RGS3: variants seen among roughly 807,000 people sequenced by gnomAD.
The protein encoded by RGS3 is regulator of G-protein signalling 3.
Under a neutral mutation model 132.6 loss-of-function variants are expected in RGS3, and 80 were observed. That is an observed-to-expected ratio of 0.60 (90% CI 0.50 to 0.73). The LOEUF (loss-of-function observed/expected upper bound fraction) is 0.73, where lower values mean the gene tolerates loss of function less well. RGS3 is among the 30% of genes least tolerant of loss of function. The pLI, the probability that RGS3 is intolerant of heterozygous loss-of-function variation, is 0.00. For synonymous variants in RGS3, 598 were observed against 620.6 expected (o/e 0.96, Z 0.54); for missense variants, 1,382 against 1,530.8 (o/e 0.90, Z 1.62).
chr9:113,501,256 G>A (rs1391355227), intron 10 of RGS3: 1 of 426,782 alleles, frequency 2.3e-6, no homozygotes, highest in Non-Finnish European at 4.1e-6. Context: ...TCACAAAGTG[G>A]CCCATGGCGG....
intron 14 of RGS3, among the ~76,000 whole-genome samples, chr9:113,509,619 G>A (rs981068164): frequency 3.3e-5 from 5 of 152,304 alleles, no homozygotes; most frequent in Middle Eastern, 3.4e-3. Context: ...TCGCGTGCCT[G>A]CCAGAAAGCT....
intron 20 of RGS3, chr9:113,589,025 G>A (rs1835275481): frequency 1.3e-5 from 2 of 152,462 alleles, no homozygotes; most frequent in East Asian, 1.9e-4. Context: ...AGTCCCTGGA[G>A]GTGGCTGGAT....
At chr9:113,474,944 T>G (rs1016751567) in intron 3 of RGS3, among the ~76,000 whole-genome samples, 5 of 152,162 alleles carry the variant, frequency 3.3e-5, no homozygotes, top group Admixed American at 2.6e-4. Context: ...CTGTGGCCTG[T>G]GGGTTAGAGT....
chr9:113,580,508 C>T lies in RGS3; in HGVS notation c.2038-2942C>T, dbSNP rs1357165646. ...CAGTATGATATCACTGGGCTCAATT[C>T]CAGATGAGGAAACGGAGGCTCTGAG... On this transcript the variant is annotated intron_variant, in intron 19 of 24. Coordinates refer to ENST00000350696, the Ensembl canonical transcript of RGS3. Among the ~76,000 whole-genome samples the T allele has an allele frequency of 2.6e-5, 4 of 152,338 alleles. No individual in the cohort carries two copies. In the East Asian group the frequency reaches 7.7e-4, roughly 29 times the overall value.
rs916621833 is a variant in RGS3, at chr9:113,565,258, C to G, written c.2038-18192C>G. ...ACCCTCTTCTTTGAGACATCCCGGA[C>G]TCCATCTCGGATGAAAGTGCTTTGA... On this transcript the variant is annotated intron_variant, in intron 19 of 24. Coordinates refer to ENST00000350696, the Ensembl canonical transcript of RGS3. This position sits in a 1 kb window ranked among gnomAD's most constrained non-coding sequence, Gnocchi z 5.7. 3 of 1,288,762 alleles carry G rather than the reference C, an allele frequency of 2.3e-6. No homozygotes were observed. Among genetic ancestry groups the G allele is most frequent in the Admixed American group, 4.6e-5 (2 of 43,484 alleles). The allele number at this position is 1,288,762 out of a possible 1,614,324, so 79.8% of individuals were successfully genotyped here.
At chr9:113,543,376 A>G (rs1283767765) in intron 19 of RGS3, among the ~76,000 whole-genome samples, 1 of 152,260 alleles carries the variant, frequency 6.6e-6, no homozygotes, top group African/African-American at 2.4e-5. Flanking sequence ...AGGAAAGATC[A>G]GACATATTGA....
chr9:113,569,804 G>A (rs889337012), intron 19 of RGS3, among the ~76,000 whole-genome samples: 13 of 152,114 alleles, frequency 8.5e-5, no homozygotes, highest in African/African-American at 3.1e-4. Flanking sequence ...GTGGGGAGGG[G>A]GGTGCTGTGG....
chr9:113,447,746 A>G (rs1408783342), intron 1 of RGS3, among the ~76,000 whole-genome samples: 1 of 151,704 alleles, frequency 6.6e-6, no homozygotes, highest in African/African-American at 2.4e-5. Context: ...AAGTCATATT[A>G]GGTGCAGCAT....
chr9:113,478,214 G>C (rs914774553), intron 3 of RGS3, among the ~76,000 whole-genome samples: 8 of 151,728 alleles, frequency 5.3e-5, no homozygotes, highest in Non-Finnish European at 1.0e-4. Flanking sequence ...CTCCCTCCCT[G>C]TTCTCCTCCC....
intron 19 of RGS3, among the ~76,000 whole-genome samples, chr9:113,556,602 G>A (rs181460503): frequency 7.9e-5 from 12 of 152,266 alleles, no homozygotes; most frequent in Admixed American, 2.6e-4. Flanking sequence ...TCCAGAGCCC[G>A]TGTCCTTAGC....
At chr9:113,464,354 G>A (rs1308518767) in intron 3 of RGS3, among the ~76,000 whole-genome samples, 2 of 152,234 alleles carry the variant, frequency 1.3e-5, no homozygotes, top group Non-Finnish European at 2.9e-5. Flanking sequence ...CTGAGCCACA[G>A]TGGAGATGGG....
chr9:113,514,765 T>G, intron 15 of RGS3, 111 bp downstream of exon 13: 1 of 1,026,826 alleles, frequency 9.7e-7, no homozygotes, highest in South Asian at 1.6e-5. Flanking sequence ...GGGCCCTGTT[T>G]TGGGAAAGAT....
At chr9:113,497,290 G>GAGTGATCTCCTGTC in intron 8 of RGS3, 24 bp from the exon 7 acceptor site, 1 of 1,588,732 alleles carries the variant, frequency 6.3e-7, no homozygotes, top group Non-Finnish European at 8.6e-7. Flanking sequence ...GTGTCTGAGC[G>GAGTGATCTCCTGTC]TGCCATTCCT....
intron 3 of RGS3, among the ~76,000 whole-genome samples, chr9:113,474,541 G>A (rs1212497506): frequency 2.0e-5 from 3 of 152,166 alleles, no homozygotes; most frequent in African/African-American, 7.2e-5. Flanking sequence ...GAGAGAGGGC[G>A]TGCCTGGCAT....
At chr9:113,503,612 T>A (rs2119309687) in intron 10 of RGS3, among the ~76,000 whole-genome samples, 1 of 152,278 alleles carries the variant, frequency 6.6e-6, no homozygotes, top group Non-Finnish European at 1.5e-5. Context: ...CAGACCCCAC[T>A]CTCCAGTTAC....
At chr9:113,503,705 G>T (rs1831011714) in intron 10 of RGS3, among the ~76,000 whole-genome samples, 1 of 152,318 alleles carries the variant, frequency 6.6e-6, no homozygotes, top group South Asian at 2.1e-4. Context: ...TGGGGTAGGG[G>T]TGGGGAAGTG....
At chr9:113,493,750 A>C (rs1351752684) in intron 7 of RGS3, among the ~76,000 whole-genome samples, 1 of 152,062 alleles carries the variant, frequency 6.6e-6, no homozygotes, top group Non-Finnish European at 1.5e-5. Flanking sequence ...CTCGAACCCC[A>C]CCTTGGACCA....
intron 3 of RGS3, among the ~76,000 whole-genome samples, chr9:113,469,541 T>C (rs1260276470): frequency 6.6e-6 from 1 of 152,118 alleles, no homozygotes; most frequent in East Asian, 1.9e-4. Context: ...TTTGAAATAT[T>C]ATACAGACAG....
intron 19 of RGS3, among the ~76,000 whole-genome samples, chr9:113,568,669 T>C (rs1834119014): frequency 6.6e-6 from 1 of 152,162 alleles, no homozygotes; most frequent in South Asian, 2.1e-4. Context: ...GGGAGGTTTG[T>C]TGTTGTTTGT....
Sources: allele counts gnomAD v4.1 joint callset (sites outside exome capture counted in the v4.1 genomes callset), GRCh38; gene constraint gnomAD v4.1.1; non-coding constraint Gnocchi (gnomAD v3.1); transcripts MANE v1.5; gene names NCBI Gene and HGNC (gene_info 2026-07-23, HGNC 2026-07-21).